Variants in UNC13C observed in about 807,000 individuals in gnomAD.
UNC13C encodes the protein unc-13 homolog C.
A neutral mutation model predicts 245.4 loss-of-function variants in UNC13C; 174 were observed. The observed-to-expected ratio is 0.71, with a 90% confidence interval of 0.63 to 0.80. The LOEUF is 0.80. Among genes scored for constraint, UNC13C ranks in the 30% least tolerant of loss-of-function variants. The pLI is 0.00. For missense variants in UNC13C, 2,829 were observed against 2,602.9 expected (o/e 1.09, Z -1.89); for synonymous variants, 992 against 895.1 (o/e 1.11, Z -1.93).
At chr15:54,396,994 C>G (rs1242285633) in intron 18 of UNC13C, among the ~76,000 whole-genome samples, 1 of 151,098 alleles carries the variant, frequency 6.6e-6, no homozygotes, top group Non-Finnish European at 1.5e-5. Flanking sequence ...CTAGTGCCTT[C>G]TGAAGAGCAT....
chr15:54,549,545 TAAAG>T, intron 27 of UNC13C, 86 bp from the exon 28 acceptor site: 1 of 1,007,048 alleles, frequency 9.9e-7, no homozygotes, highest in South Asian at 1.6e-5. Context: ...ATAAGGGAAA[TAAAG>T]AAATTATCTG....
At chr15:54,253,016 AAATT>A (rs2036191974) in intron 8 of UNC13C, among the ~76,000 whole-genome samples, 1 of 152,204 alleles carries the variant, frequency 6.6e-6, no homozygotes, top group African/African-American at 2.4e-5. Flanking sequence ...TCAAGTACTT[AAATT>A]AATTATCTAG....
Position 53,995,417 on chromosome 15 carries a change from C to G in UNC13C, c.-257+16490C>G, listed in dbSNP as rs796499526. Among the ~76,000 whole-genome samples, 28 of 152,202 alleles carry G rather than the reference C, an allele frequency of 1.8e-4. 1 individual carries two copies. The highest frequency in any genetic ancestry group is 6.5e-4 in the African/African-American group (27 of 41,552). ...AGGCAGCCCCTCCCTCTGGGGCCAT[C>G]TGGTCTCTTATTTCCCCTCTTGTTC... On this transcript the variant is annotated intron_variant, in intron 1 of 32. Coordinates refer to ENST00000260323, the MANE Select transcript of UNC13C (RefSeq NM_001080534.3).
intron 4 of UNC13C, among the ~76,000 whole-genome samples, chr15:54,193,594 G>A (rs1346350747): frequency 2.0e-5 from 3 of 151,996 alleles, no homozygotes; most frequent in African/African-American, 7.2e-5. Flanking sequence ...CACACCCCCA[G>A]CCCTTCAGTC....
At chr15:54,536,421 C>T (rs1895983888) in intron 26 of UNC13C, among the ~76,000 whole-genome samples, 1 of 151,970 alleles carries the variant, frequency 6.6e-6, no homozygotes, top group African/African-American at 2.4e-5. Flanking sequence ...AGAGCTAGTA[C>T]CAATCCTATT....
At chr15:53,871,684 C>T in the UNC13C span, among the ~76,000 whole-genome samples, 1 of 152,166 alleles carries the variant, frequency 6.6e-6, no homozygotes, top group African/African-American at 2.4e-5. Context: ...CCTAGATAGC[C>T]TGTGGCTGGA....
At chr15:54,432,683 A>C (rs780794492) in intron 19 of UNC13C, among the ~76,000 whole-genome samples, 1 of 152,156 alleles carries the variant, frequency 6.6e-6, no homozygotes, top group Non-Finnish European at 1.5e-5. Context: ...ATCACAATTA[A>C]AAGAACTAGA....
Position 54,192,898 on chromosome 15 carries a change from C to CCACACACA in UNC13C, c.3072-42117_3072-42110dup, listed in dbSNP as rs71436273. 4.7e-5 allele frequency among the ~76,000 whole-genome samples: 7 copies of CCACACACA among 148,214 alleles called. No individual in the cohort carries two copies. The East Asian group carries it at 1.2e-3, about 25-fold the overall frequency. On this transcript the variant is annotated intron_variant, in intron 4 of 32. Transcript: ENST00000260323. ...CTCTCTTTCTTTCTCTTTCTCTGTG[C>CCACACACA]CACACACACACACACACACACAAAC...
Position 54,333,922 on chromosome 15 carries a change from C to T in UNC13C, c.4584+66C>T, listed in dbSNP as rs999526927. ...GAATACATTCATCCCCTGGTAAAGT[C>T]TTGCTTTACCCTCCTCTTGATCAAG... On this transcript the variant is annotated intron_variant, in intron 16 of 32. Coordinates refer to ENST00000260323, the MANE Select transcript of UNC13C (RefSeq NM_001080534.3). The T allele has an allele frequency of 4.2e-6, 5 of 1,181,670 alleles. No individual in the cohort carries two copies. The Admixed American group carries it at 9.9e-5, about 23-fold the overall frequency. The allele number at this position is 1,181,670 out of a possible 1,614,324, so 73.2% of individuals were successfully genotyped here.
intron 29 of UNC13C, among the ~76,000 whole-genome samples, chr15:54,556,389 A>G (rs1246191106): frequency 6.6e-6 from 1 of 152,080 alleles, no homozygotes; most frequent in Non-Finnish European, 1.5e-5. Context: ...ACAGTCACAT[A>G]CTTTCACAAA....
At chr15:54,070,066 T>C (rs762092600) in intron 2 of UNC13C, among the ~76,000 whole-genome samples, 2 of 152,220 alleles carry the variant, frequency 1.3e-5, no homozygotes, top group Admixed American at 6.5e-5. Context: ...GAGCTGGTAT[T>C]CTGATTTAGG....
At chr15:54,038,124 A>ATAAAAATTTTTTTTTTTTTT in intron 2 of UNC13C, among the ~76,000 whole-genome samples, 6 of 45,032 alleles carry the variant, frequency 1.3e-4, no homozygotes, top group African/African-American at 5.3e-4. Flanking sequence ...ATATATATAT[A>ATAAAAATTTTTTTTTTTTTT]TTTTTTTTTT....
intron 30 of UNC13C, among the ~76,000 whole-genome samples, chr15:54,583,738 T>A (rs1198187522): frequency 6.6e-6 from 1 of 152,224 alleles, no homozygotes; most frequent in Admixed American, 6.5e-5. Context: ...ACCTCTGGTC[T>A]GGGTAACACT....
chr15:53,891,774 TC>T, the UNC13C span, among the ~76,000 whole-genome samples: 2 of 152,212 alleles, frequency 1.3e-5, no homozygotes, highest in Non-Finnish European at 2.9e-5. Context: ...GAGATGGGTC[TC>T]CTGAATACAG....
intron 20 of UNC13C, among the ~76,000 whole-genome samples, chr15:54,499,266 A>G (rs2141096274): frequency 6.6e-6 from 1 of 152,184 alleles, no homozygotes; most frequent in Middle Eastern, 3.4e-3. Context: ...ATGAGAACTC[A>G]AACACTATCA....
In UNC13C at chr15:54,511,828, G is replaced by A; in HGVS notation, c.5455G>A (p.Glu1819Lys). Reference protein sequence around the residue: ...EKMFESMGGKELDSEASTILK... With the variant: ...EKMFESMGGKKLDSEASTILK... ...AATGTTTGAATCCATGGGAGGGAAGGAGGTGGGTATCTTTTTCTCCTACAT... is the reference window on the plus strand; with the variant it reads ...AATGTTTGAATCCATGGGAGGGAAGAAGGTGGGTATCTTTTTCTCCTACAT... Residue 1819 changes from glutamate to lysine, a missense_variant and splice_region_variant, in exon 24 of 33, where the codon GAG (glutamate) becomes AAG (lysine). Glu to Lys is a moderately conservative substitution (Grantham distance 56, BLOSUM62 1). Coordinates refer to ENST00000260323, the MANE Select transcript of UNC13C (RefSeq NM_001080534.3). 3 of 1,603,922 alleles carry A rather than the reference G, an allele frequency of 1.9e-6. No individual in the cohort carries two copies. The highest frequency in any genetic ancestry group is 2.6e-6 in the Non-Finnish European group (3 of 1,174,340).
the UNC13C span, among the ~76,000 whole-genome samples, chr15:53,932,501 G>A: frequency 6.6e-6 from 1 of 152,144 alleles, no homozygotes; most frequent in African/African-American, 2.4e-5. Flanking sequence ...ATACCTGAAA[G>A]TGTTAACAAG....
chr15:54,035,736 A>G lies in UNC13C; in HGVS notation c.2983+19850A>G, dbSNP rs543590103. Among the ~76,000 whole-genome samples the G allele has an allele frequency of 7.2e-5, 11 of 152,162 alleles. No individual in the cohort carries two copies. In the South Asian group the frequency reaches 2.3e-3, roughly 32 times the overall value. On this transcript the variant is annotated intron_variant, in intron 2 of 32. Transcript: ENST00000260323. ...AGTTTTCCATCAACCAAGATAGCAGAAACACAAATGAGAATAGATGAGCGC... is the reference window on the plus strand; with the variant it reads ...AGTTTTCCATCAACCAAGATAGCAGGAACACAAATGAGAATAGATGAGCGC...
chr15:53,963,784 C>A, the UNC13C span, among the ~76,000 whole-genome samples: 1 of 152,140 alleles, frequency 6.6e-6, no homozygotes, highest in African/African-American at 2.4e-5. Context: ...AGTGAGGAAC[C>A]AATGGCTGAC....
Sources: gnomAD v4.1 joint callset for allele counts (sites outside exome capture counted in the v4.1 genomes callset) on GRCh38, gnomAD v4.1.1 for gene constraint, MANE v1.5 for transcripts, NCBI Gene and HGNC (gene_info 2026-07-23, HGNC 2026-07-21) for gene names.